The following NCKAP5 variants were observed in gnomAD, a reference collection of about 807,000 sequenced individuals.
NCKAP5 encodes the protein nck-associated protein 5.
NCKAP5 carries 92 observed loss-of-function variants against 167.0 expected under a neutral mutation model. That is an observed-to-expected ratio of 0.55 (90% CI 0.47 to 0.66). NCKAP5 has a LOEUF of 0.66. Among genes scored for constraint, NCKAP5 ranks in the 30% least tolerant of loss-of-function variants. The pLI is 0.00. For synonymous variants in NCKAP5, 891 were observed against 877.4 expected (o/e 1.02, Z -0.27); for missense variants, 2,378 against 2,315.0 (o/e 1.03, Z -0.56).
At chr2:133,459,979 G>A (rs6430421) in intron 3 of NCKAP5, among the ~76,000 whole-genome samples, 32,529 of 151,988 alleles carry the variant, frequency 0.21, 3,819 homozygotes, top group East Asian at 0.39. Context: ...AAAGACTTAC[G>A]TGCAAAAAGA....
At chr2:133,029,893 A>G (rs1356242154) in intron 6 of NCKAP5, among the ~76,000 whole-genome samples, 1 of 152,190 alleles carries the variant, frequency 6.6e-6, no homozygotes, top group Non-Finnish European at 1.5e-5. Context: ...ACAAAAAGAA[A>G]TGTTTACAAG....
chr2:133,199,196 T>C (rs2085565777), intron 5 of NCKAP5, among the ~76,000 whole-genome samples: 1 of 151,944 alleles, frequency 6.6e-6, no homozygotes, highest in Non-Finnish European at 1.5e-5. Flanking sequence ...AAACATAGGG[T>C]AGGCAAACGT....
intron 11 of NCKAP5, among the ~76,000 whole-genome samples, chr2:132,844,819 T>G (rs2105444421): frequency 6.6e-6 from 1 of 152,154 alleles, no homozygotes; most frequent in Non-Finnish European, 1.5e-5. Flanking sequence ...AGTCAAAGAG[T>G]AGATGCTTTT....
chr2:133,386,444 T>G (rs1217590295), intron 3 of NCKAP5, among the ~76,000 whole-genome samples: 4 of 152,246 alleles, frequency 2.6e-5, no homozygotes, highest in Admixed American at 6.5e-5. Flanking sequence ...CTTTTCCATT[T>G]GCTGAGGAGT....
In NCKAP5 at chr2:133,094,927, G is replaced by A. The variant is rs79462917; in HGVS notation, c.341+35051C>T. 2.4e-3 allele frequency among the ~76,000 whole-genome samples: 365 copies of A among 152,180 alleles called. 3 individuals are homozygous for A. Among genetic ancestry groups the A allele is most frequent in the Admixed American group, 0.017 (259 of 15,286 alleles). On this transcript the variant is annotated intron_variant, in intron 6 of 19. Coordinates refer to ENST00000409261, the MANE Select transcript of NCKAP5 (RefSeq NM_207363.3). The stretch of plus-strand genomic sequence containing the variant: ...AAGTTTAGAGTAGCCCCCTCTGAGA[G>A]CAAGAAAATGGGGACTTCACTCCTA...
chr2:133,597,673 C>CAAAAAAAAAAAAA, the NCKAP5 span, among the ~76,000 whole-genome samples: 36 of 61,094 alleles, frequency 5.9e-4, no homozygotes, highest in South Asian at 7.3e-4. Flanking sequence ...GACTCTGTCT[C>CAAAAAAAAAAAAA]AAAAAAAAAA....
intron 11 of NCKAP5, among the ~76,000 whole-genome samples, chr2:132,806,429 G>A (rs1321011762): frequency 6.6e-6 from 1 of 151,716 alleles, no homozygotes; most frequent in African/African-American, 2.4e-5. Context: ...TATCCACTCT[G>A]ACATCTCCTG....
At chr2:133,588,652 G>C in the NCKAP5 span, among the ~76,000 whole-genome samples, 1 of 152,110 alleles carries the variant, frequency 6.6e-6, no homozygotes, top group Non-Finnish European at 1.5e-5. Context: ...ATTTTAGAAG[G>C]ACATATTAGG....
chr2:132,745,223 T>G (rs1679537575), intron 16 of NCKAP5, among the ~76,000 whole-genome samples: 1 of 151,874 alleles, frequency 6.6e-6, no homozygotes, highest in African/African-American at 2.4e-5. Flanking sequence ...TGATTTGCTA[T>G]TAAGCATTTT....
At chr2:133,635,373 T>C in the NCKAP5 span, among the ~76,000 whole-genome samples, 22 of 152,190 alleles carry the variant, frequency 1.4e-4, no homozygotes, top group Non-Finnish European at 2.8e-4. Context: ...TACTTGAAAA[T>C]GATGACAATG....
At chr2:133,194,233 T>C (rs1194018204) in intron 5 of NCKAP5, among the ~76,000 whole-genome samples, 4 of 152,042 alleles carry the variant, frequency 2.6e-5, no homozygotes, top group Non-Finnish European at 4.4e-5. Flanking sequence ...TATACCTGAA[T>C]TAATCACTCA....
chr2:132,698,649 A>G (rs1687566073), intron 19 of NCKAP5, among the ~76,000 whole-genome samples: 1 of 152,154 alleles, frequency 6.6e-6, no homozygotes, highest in Admixed American at 6.5e-5. Flanking sequence ...CCTGGCTAAC[A>G]TGGTGAAACC....
intron 13 of NCKAP5, among the ~76,000 whole-genome samples, chr2:132,788,397 C>T (rs533213904): frequency 3.4e-4 from 51 of 152,178 alleles, no homozygotes; most frequent in Non-Finnish European, 6.8e-4. Flanking sequence ...GCAACCTCAC[C>T]ACGTTTCAGG....
chr2:133,257,577 A>T (rs922214292), intron 4 of NCKAP5, among the ~76,000 whole-genome samples: 1 of 152,224 alleles, frequency 6.6e-6, no homozygotes, highest in Non-Finnish European at 1.5e-5. Context: ...CCTTTTTTGT[A>T]AATATTGAGA....
At chr2:133,652,802 T>C in the NCKAP5 span, among the ~76,000 whole-genome samples, 2 of 152,190 alleles carry the variant, frequency 1.3e-5, no homozygotes, top group Non-Finnish European at 2.9e-5. Context: ...TCACTGAGTT[T>C]AGTTGACTGC....
intron 11 of NCKAP5, among the ~76,000 whole-genome samples, chr2:132,850,412 G>A (rs979181870): frequency 2.6e-5 from 4 of 152,030 alleles, no homozygotes; most frequent in African/African-American, 9.7e-5. Context: ...GCGGGCAGTG[G>A]GTAATTTAAG....
chr2:133,528,638 T>C (rs1481921335), intron 2 of NCKAP5, among the ~76,000 whole-genome samples: 6 of 152,236 alleles, frequency 3.9e-5, no homozygotes, highest in Non-Finnish European at 8.8e-5. Flanking sequence ...CATAAAGCTA[T>C]GCACAGCCAG....
Position 133,352,826 on chromosome 2 carries a change from T to C in NCKAP5, c.70-49716A>G, listed in dbSNP as rs1411814220. Among the ~76,000 whole-genome samples, 8 of 152,326 alleles carry C rather than the reference T, an allele frequency of 5.3e-5. 1 individual carries two copies. Among genetic ancestry groups the C allele is most frequent in the African/African-American group, 1.9e-4 (8 of 41,572 alleles). On this transcript the variant is annotated intron_variant, in intron 3 of 19. Transcript: ENST00000409261. ...GCCTGAGGGCTAACATGAGGCACTT[T>C]TAGTACTAGCCAAGCTCATTTCCCA...
the NCKAP5 span, among the ~76,000 whole-genome samples, chr2:133,641,746 T>C: frequency 6.6e-6 from 1 of 152,208 alleles, no homozygotes; most frequent in Non-Finnish European, 1.5e-5. Context: ...ATGTAGGAAC[T>C]AGAGGGAGTG....
Sources: allele counts gnomAD v4.1 joint callset (sites outside exome capture counted in the v4.1 genomes callset), GRCh38; gene constraint gnomAD v4.1.1; transcripts MANE v1.5; gene names NCBI Gene and HGNC (gene_info 2026-07-23, HGNC 2026-07-21).